The following ZBED6 variants were observed in gnomAD, a reference collection of about 807,000 sequenced individuals.
ZBED6 encodes the protein zinc finger BED-type containing 6.
Under a neutral mutation model 58.4 loss-of-function variants are expected in ZBED6, and 40 were observed. The observed-to-expected ratio is 0.68, with a 90% CI of 0.53 to 0.89. The LOEUF is 0.89. Among genes scored for constraint, ZBED6 ranks in the 40% least tolerant of loss-of-function variants. The pLI, the probability that ZBED6 is intolerant of heterozygous loss-of-function variation, is 0.00. For synonymous variants in ZBED6, 439 were observed against 350.6 expected (o/e 1.25, Z -2.82); for missense variants, 1,057 against 1,003.9 (o/e 1.05, Z -0.71).
chr1:203,813,661 A>C (rs1436556663), intron 1 of ZBED6, among the ~76,000 whole-genome samples: 1 of 152,102 alleles, frequency 6.6e-6, no homozygotes, highest in East Asian at 1.9e-4. Context: ...TGAAGGTGAG[A>C]TGTCTAAAAT....
chr1:203,807,557 C>T (rs1672802358), intron 1 of ZBED6, among the ~76,000 whole-genome samples: 1 of 149,562 alleles, frequency 6.7e-6, no homozygotes, highest in African/African-American at 2.5e-5. Context: ...GATAGAGTCT[C>T]GCTCTGCCTC....
intron 1 of ZBED6, among the ~76,000 whole-genome samples, chr1:203,810,992 T>A (rs1056899945): frequency 4.7e-5 from 7 of 149,826 alleles, no homozygotes; most frequent in African/African-American, 1.5e-4. Flanking sequence ...AAAAAAAAAA[T>A]TAGCAGGGTA....
chr1:203,800,653 G>C (rs1436306839), exon 1 of ZBED6: 2 of 483,688 alleles, frequency 4.1e-6, no homozygotes, highest in Admixed American at 7.9e-5. Flanking sequence ...AGCTATAACT[G>C]TGGCGCTAGC....
intron 1 of ZBED6, among the ~76,000 whole-genome samples, chr1:203,813,754 C>T (rs1231796750): frequency 6.6e-6 from 1 of 152,048 alleles, no homozygotes. Flanking sequence ...TGTTGGCAAT[C>T]CTTGGCATTC....
intron 11 of ZBED6, among the ~76,000 whole-genome samples, chr1:203,843,850 G>A (rs993647230): frequency 6.7e-6 from 1 of 150,284 alleles, no homozygotes; most frequent in Non-Finnish European, 1.5e-5. Context: ...CTTTATTCTC[G>A]GCCTGGGATT....
intron 16 of ZBED6, among the ~76,000 whole-genome samples, chr1:203,851,693 C>CG (rs1689310783): frequency 6.7e-6 from 1 of 149,808 alleles, no homozygotes; most frequent in South Asian, 2.1e-4. Flanking sequence ...CCAGGCAAGG[C>CG]GGCTTATGCC....
intron 1 of ZBED6, among the ~76,000 whole-genome samples, chr1:203,806,657 A>T (rs1187557492): frequency 6.6e-6 from 1 of 152,120 alleles, no homozygotes; most frequent in African/African-American, 2.4e-5. Context: ...GTGTTGAAAG[A>T]TGGTGAAGAC....
chr1:203,847,560 G>A (rs1331980064), exon 12 of ZBED6: 3 of 1,613,796 alleles, frequency 1.9e-6, no homozygotes, highest in East Asian at 2.2e-5. Context: ...ACATCAAGAC[G>A]CTGGAAGAAA....
chr1:203,818,307 A>G (rs1295430994), intron 2 of ZBED6, among the ~76,000 whole-genome samples: 2 of 151,842 alleles, frequency 1.3e-5, no homozygotes, highest in Non-Finnish European at 2.9e-5. Context: ...AGGACCTAAC[A>G]CTCCTACTTG....
chr1:203,801,423 T>C (rs547189962), exon 1 of ZBED6: 11 of 152,230 alleles, frequency 7.2e-5, no homozygotes, highest in Admixed American at 2.0e-4. Flanking sequence ...ATGAGTGAAT[T>C]GATCTCATTT....
At chr1:203,805,850 C>T in intron 1 of ZBED6, 1 of 896,832 alleles carries the variant, frequency 1.1e-6, no homozygotes, top group Non-Finnish European at 1.8e-6. Flanking sequence ...ATTTCATTTG[C>T]ATCTTCCATC....
At chr1:203,846,318 G>A (rs1687899717) in intron 11 of ZBED6, among the ~76,000 whole-genome samples, 1 of 151,914 alleles carries the variant, frequency 6.6e-6, no homozygotes, top group African/African-American at 2.4e-5. Flanking sequence ...GTGACATTTG[G>A]TCTTCAGTTT....
At chr1:203,838,307 A>AATGC (rs1365949313) in intron 10 of ZBED6, among the ~76,000 whole-genome samples, 11 of 152,352 alleles carry the variant, frequency 7.2e-5, no homozygotes, top group African/African-American at 2.6e-4. Flanking sequence ...AATACTTATA[A>AATGC]ATGCGATAAA....
exon 1 of ZBED6, chr1:203,801,380 C>T (rs894171443): frequency 6.6e-6 from 1 of 152,006 alleles, no homozygotes; most frequent in Non-Finnish European, 1.5e-5. Flanking sequence ...ACTAAGCAGT[C>T]GGTATTTTTA....
At chr1:203,816,088 T>C (rs984993558) in intron 1 of ZBED6, among the ~76,000 whole-genome samples, 1 of 152,202 alleles carries the variant, frequency 6.6e-6, no homozygotes, top group African/African-American at 2.4e-5. Flanking sequence ...TTTTCATCAG[T>C]TATTCTAGCT....
intron 9 of ZBED6, 67 bp downstream of exon 9, chr1:203,833,920 AAAC>A: frequency 6.5e-7 from 1 of 1,548,246 alleles, no homozygotes; most frequent in Non-Finnish European, 8.7e-7. Flanking sequence ...TAGCTTCTCC[AAAC>A]TCTTTTTATA....
exon 17 of ZBED6, chr1:203,852,408 G>A (rs766349499): frequency 5.6e-6 from 9 of 1,611,088 alleles, no homozygotes; most frequent in Non-Finnish European, 7.6e-6. Context: ...GAAGGTGGTA[G>A]TGAGGACACT....
intron 1 of ZBED6, among the ~76,000 whole-genome samples, chr1:203,816,628 C>T (rs1439574672): frequency 2.6e-5 from 4 of 151,982 alleles, no homozygotes; most frequent in African/African-American, 7.3e-5. Context: ...GAGACACTGT[C>T]TCTAAAAAGA....
intron 11 of ZBED6, among the ~76,000 whole-genome samples, chr1:203,843,756 A>G (rs1458118626): frequency 6.6e-6 from 1 of 152,086 alleles, no homozygotes; most frequent in Non-Finnish European, 1.5e-5. Context: ...CCTTATCTTT[A>G]TTATCCAGTC....
Sources: allele counts gnomAD v4.1 joint callset (sites outside exome capture counted in the v4.1 genomes callset), GRCh38; gene constraint gnomAD v4.1.1; transcripts MANE v1.5; gene names NCBI Gene and HGNC (gene_info 2026-07-23, HGNC 2026-07-21).